DLGAP5: variants seen among roughly 807,000 people sequenced by gnomAD.
DLGAP5 encodes disks large-associated protein 5.
DLGAP5 carries 90 observed loss-of-function variants against 99.6 expected under a neutral mutation model. That is an observed-to-expected ratio of 0.90 (90% CI 0.76 to 1.08). DLGAP5 has a LOEUF of 1.08. Among genes scored for constraint, DLGAP5 ranks in the 50% least tolerant of loss-of-function variants. DLGAP5 has a pLI of 0.00. For missense variants in DLGAP5, 1,036 were observed against 983.5 expected (o/e 1.05, Z -0.71); for synonymous variants, 311 against 321.3 (o/e 0.97, Z 0.34).
intron 14 of DLGAP5, among the ~76,000 whole-genome samples, chr14:55,156,286 C>A (rs1291424405): frequency 6.6e-6 from 1 of 152,144 alleles, no homozygotes; most frequent in Non-Finnish European, 1.5e-5. Context: ...CAACTGTCAT[C>A]ACCCACCCCC....
intron 10 of DLGAP5, among the ~76,000 whole-genome samples, 163 bp downstream of exon 10, chr14:55,175,183 C>G (rs893653429): frequency 2.0e-5 from 3 of 152,130 alleles, no homozygotes; most frequent in Non-Finnish European, 4.4e-5. Context: ...GAATTAGGAA[C>G]CACATGAATG....
chr14:55,189,963 AATCCT>A (rs1448808634), intron 1 of DLGAP5, among the ~76,000 whole-genome samples: 1 of 152,182 alleles, frequency 6.6e-6, no homozygotes, highest in African/African-American at 2.4e-5. Context: ...GACCAGCCCC[AATCCT>A]GAAGCTATTT....
intron 12 of DLGAP5, among the ~76,000 whole-genome samples, chr14:55,164,151 C>G (rs1357334437): frequency 6.6e-6 from 1 of 152,104 alleles, no homozygotes; most frequent in Non-Finnish European, 1.5e-5. Flanking sequence ...ACACACATAT[C>G]CTCTTAGCTT....
chr14:55,185,061 A>G (rs926099976), intron 2 of DLGAP5, among the ~76,000 whole-genome samples: 1 of 152,130 alleles, frequency 6.6e-6, no homozygotes, highest in Non-Finnish European at 1.5e-5. Flanking sequence ...TTTTTCCTCT[A>G]CTGAATTGTT....
intron 10 of DLGAP5, among the ~76,000 whole-genome samples, chr14:55,174,408 T>C: frequency 6.6e-6 from 1 of 152,196 alleles, no homozygotes; most frequent in East Asian, 1.9e-4. Context: ...TGCCTCCACT[T>C]GCCTTGTGAT....
chr14:55,154,166 C>T (rs1882120299), intron 15 of DLGAP5, among the ~76,000 whole-genome samples: 12 of 152,202 alleles, frequency 7.9e-5, no homozygotes, highest in Admixed American at 7.9e-4. Context: ...AAAACAATCT[C>T]AAGGTACTTT....
At chr14:55,177,816 C>CG (rs1190520684) in intron 7 of DLGAP5, among the ~76,000 whole-genome samples, 1 of 151,448 alleles carries the variant, frequency 6.6e-6, no homozygotes, top group African/African-American at 2.4e-5. Flanking sequence ...GGATTACAGG[C>CG]GGGAGCCACC....
intron 1 of DLGAP5, among the ~76,000 whole-genome samples, chr14:55,189,813 C>T (rs1268783141): frequency 6.6e-6 from 1 of 152,010 alleles, no homozygotes. Context: ...TTTATGGCAG[C>T]TTCATTACAT....
At chr14:55,158,084 C>T (rs1025254988) in intron 14 of DLGAP5, among the ~76,000 whole-genome samples, 3 of 152,192 alleles carry the variant, frequency 2.0e-5, no homozygotes, top group African/African-American at 7.2e-5. Context: ...TTTTAAAGCA[C>T]AGCTAGACAA....
At chr14:55,154,955 A>G in intron 14 of DLGAP5, 149 bp from the exon 15 acceptor site, 1 of 680,936 alleles carries the variant, frequency 1.5e-6, no homozygotes, top group Non-Finnish European at 2.4e-6. Context: ...TCTGTTAAAG[A>G]TAGTATTTAA....
chr14:55,154,769 A>C lies in DLGAP5; in HGVS notation c.1911T>G (p.Leu637=). 1 of 1,614,112 alleles carries C rather than the reference A, an allele frequency of 6.2e-7. No homozygotes were observed. Among genetic ancestry groups the C allele is most frequent in the Non-Finnish European group, 8.5e-7 (1 of 1,179,998 alleles). Residue 637 remains leucine, a synonymous_variant, in exon 15 of 19, where the codon CTT becomes CTG. Coordinates refer to ENST00000247191, the MANE Select transcript of DLGAP5 (RefSeq NM_014750.5). ...CTTTGTTGACAGACTTAGGTGTTCC[A>C]AGTCTTTGAGAAGGGCCTTCAGAAG... ...SVSSEGPSQR[L]GTPKSVNKAV...
At chr14:55,172,209 C>A (rs1426152436) in intron 10 of DLGAP5, among the ~76,000 whole-genome samples, 1 of 150,848 alleles carries the variant, frequency 6.6e-6, no homozygotes, top group Non-Finnish European at 1.5e-5. Flanking sequence ...TAGGGCCAGA[C>A]TCAGTGGCTC....
chr14:55,190,289 T>C (rs867860952), intron 1 of DLGAP5, among the ~76,000 whole-genome samples: 59 of 147,302 alleles, frequency 4.0e-4, no homozygotes, highest in Non-Finnish European at 7.1e-4. Flanking sequence ...AGAAAAGCCA[T>C]ACACACACAC....
intron 4 of DLGAP5, 21 bp from the exon 5 acceptor site, chr14:55,181,318 T>TA: frequency 6.3e-7 from 1 of 1,595,268 alleles, no homozygotes; most frequent in Non-Finnish European, 8.6e-7. Context: ...GATTAGGTGC[T>TA]ATGTGATTTA....
intron 12 of DLGAP5, among the ~76,000 whole-genome samples, chr14:55,166,790 G>GTAC (rs1882658707): frequency 6.8e-6 from 1 of 148,010 alleles, no homozygotes; most frequent in Non-Finnish European, 1.5e-5. Context: ...GCATAACTCT[G>GTAC]TAAATTTACT....
At chr14:55,188,779 T>TAAAAAAA (rs397852487) in intron 2 of DLGAP5, among the ~76,000 whole-genome samples, 163 bp downstream of exon 2, 2 of 116,230 alleles carry the variant, frequency 1.7e-5, no homozygotes, top group Non-Finnish European at 3.5e-5. Flanking sequence ...TCTTGTAATT[T>TAAAAAAA]AAAAAAAAAA....
chr14:55,148,684 C>A, intron 18 of DLGAP5: 1 of 898,544 alleles, frequency 1.1e-6, no homozygotes, highest in Non-Finnish European at 1.7e-6. Context: ...CAAGATCCCA[C>A]CTCAAAAACA....
In DLGAP5 at chr14:55,169,565, G is replaced by C. The variant is rs1437738932; in HGVS notation, c.1388-6C>G. On this transcript the variant is annotated splice_region_variant and splice_polypyrimidine_tract_variant and intron_variant, in intron 11 of 18. Coordinates refer to ENST00000247191, the MANE Select transcript of DLGAP5 (RefSeq NM_014750.5). ...TGTGCGAATAAGATCTTTAGCTGAA[G>C]GAAATAAGAGATTTTTTAAAATTAA... 1.9e-6 allele frequency: 3 copies of C among 1,576,764 alleles called. No individual in the cohort carries two copies. Among genetic ancestry groups the C allele is most frequent in the Admixed American group, 2.1e-5 (1 of 48,592 alleles).
intron 7 of DLGAP5, among the ~76,000 whole-genome samples, chr14:55,179,025 C>A (rs368364120): frequency 6.6e-6 from 1 of 151,842 alleles, no homozygotes; most frequent in African/African-American, 2.4e-5. Flanking sequence ...CGAGCCTGGG[C>A]GACAGAGTGA....
Sources: allele counts gnomAD v4.1 joint callset (sites outside exome capture counted in the v4.1 genomes callset), GRCh38; gene constraint gnomAD v4.1.1; transcripts MANE v1.5; gene names NCBI Gene and HGNC (gene_info 2026-07-23, HGNC 2026-07-21).